SPMIP2: variants seen among roughly 807,000 people sequenced by gnomAD.
SPMIP2 encodes sperm microtubule inner protein 2, also known as protein SPMIP2.
chr4:158,994,830 TTAA>T, the SPMIP2 span, among the ~76,000 whole-genome samples: 2 of 152,168 alleles, frequency 1.3e-5, no homozygotes, highest in Non-Finnish European at 2.9e-5. Context: ...CTGCTAGAGA[TTAA>T]TTACTACAAC....
the SPMIP2 span, among the ~76,000 whole-genome samples, chr4:159,001,806 T>C: frequency 5.3e-5 from 8 of 152,214 alleles, no homozygotes; most frequent in South Asian, 2.1e-4. Flanking sequence ...GCAATGAACA[T>C]TTGTGTGCAC....
the SPMIP2 span, chr4:158,893,445 G>C: frequency 2.3e-6 from 1 of 436,230 alleles, no homozygotes; most frequent in Non-Finnish European, 4.2e-6. Context: ...GATGTTATAA[G>C]CACTCAGTAA....
the SPMIP2 span, chr4:159,035,019 C>T: frequency 6.8e-6 from 11 of 1,606,628 alleles, no homozygotes; most frequent in South Asian, 1.1e-4. Flanking sequence ...AAAGCAAACA[C>T]AAAAACTATT....
At chr4:158,981,959 A>G in the SPMIP2 span, among the ~76,000 whole-genome samples, 152,170 of 152,246 alleles carry the variant, frequency 1, 76,047 homozygotes, top group Non-Finnish European at 1. Flanking sequence ...AAGACTCATC[A>G]GTGTGCTGTA....
the SPMIP2 span, among the ~76,000 whole-genome samples, chr4:158,895,058 T>G: frequency 2.0e-4 from 31 of 152,156 alleles, no homozygotes; most frequent in Non-Finnish European, 3.4e-4. Context: ...TGCAAAAGCA[T>G]TTGCCTCTGG....
the SPMIP2 span, among the ~76,000 whole-genome samples, chr4:158,939,296 A>G: frequency 1.3e-5 from 2 of 152,226 alleles, no homozygotes; most frequent in Admixed American, 1.3e-4. Context: ...CAAATTTTAA[A>G]TATACACAAA....
At chr4:159,060,762 A>G in the SPMIP2 span, among the ~76,000 whole-genome samples, 2 of 152,166 alleles carry the variant, frequency 1.3e-5, no homozygotes, top group Non-Finnish European at 2.9e-5. Flanking sequence ...TTCTAATTTT[A>G]AATTACCATT....
chr4:159,066,589 T>TTTTATATATATA, the SPMIP2 span, among the ~76,000 whole-genome samples: 1 of 76,632 alleles, frequency 1.3e-5, no homozygotes, highest in Non-Finnish European at 2.8e-5. Flanking sequence ...TGTGTGTATT[T>TTTTATATATATA]TATATATATA....
chr4:158,964,047 C>T, the SPMIP2 span, among the ~76,000 whole-genome samples: 6 of 151,744 alleles, frequency 4.0e-5, no homozygotes, highest in African/African-American at 7.3e-5. Flanking sequence ...CCCAGCTACT[C>T]GAGAGGCTGG....
the SPMIP2 span, among the ~76,000 whole-genome samples, chr4:158,950,694 A>C: frequency 2.0e-5 from 3 of 152,176 alleles, no homozygotes; most frequent in Admixed American, 6.5e-5. Flanking sequence ...TCAGGAGCTC[A>C]AGACCAGCCT....
the SPMIP2 span, chr4:158,895,900 G>GAT: frequency 6.9e-7 from 1 of 1,454,542 alleles, no homozygotes; most frequent in Non-Finnish European, 9.6e-7. Context: ...TTGTCCCTTT[G>GAT]ATAGGTATCC....
At chr4:158,997,067 C>T in the SPMIP2 span, among the ~76,000 whole-genome samples, 3 of 152,206 alleles carry the variant, frequency 2.0e-5, no homozygotes, top group Admixed American at 6.5e-5. Flanking sequence ...AAAACACACA[C>T]ACACAAACAC....
chr4:158,917,249 C>CA, the SPMIP2 span, among the ~76,000 whole-genome samples: 1 of 149,626 alleles, frequency 6.7e-6, no homozygotes, highest in East Asian at 2.0e-4. Flanking sequence ...GACTCCATCT[C>CA]AAAAAAATAA....
the SPMIP2 span, among the ~76,000 whole-genome samples, chr4:159,042,999 C>T: frequency 1.1e-4 from 17 of 152,224 alleles, 1 homozygote; most frequent in Admixed American, 1.1e-3. Context: ...TCTACTCTGA[C>T]CCCCAGGTCT....
the SPMIP2 span, among the ~76,000 whole-genome samples, chr4:158,904,145 A>C: frequency 6.6e-6 from 1 of 152,216 alleles, no homozygotes; most frequent in Non-Finnish European, 1.5e-5. Context: ...AGTATGATAC[A>C]ATGAAGTTAT....
the SPMIP2 span, among the ~76,000 whole-genome samples, chr4:159,004,855 T>G: frequency 2.0e-5 from 3 of 152,082 alleles, no homozygotes; most frequent in Admixed American, 6.6e-5. Context: ...AGGTCAAGAG[T>G]GGTTTTGTTT....
At chr4:159,081,038 C>CTTTT in the SPMIP2 span, among the ~76,000 whole-genome samples, 1 of 118,404 alleles carries the variant, frequency 8.4e-6, no homozygotes, top group Non-Finnish European at 1.8e-5. Context: ...GTTTCTTTCT[C>CTTTT]TTTTTTTTTT....
chr4:158,952,685 A>G, the SPMIP2 span, among the ~76,000 whole-genome samples: 1 of 152,222 alleles, frequency 6.6e-6, no homozygotes, highest in Non-Finnish European at 1.5e-5. Flanking sequence ...AAAATGTGAG[A>G]AAGTTTGGAA....
chr4:158,910,736 T>A, the SPMIP2 span, among the ~76,000 whole-genome samples: 1 of 152,236 alleles, frequency 6.6e-6, no homozygotes, highest in East Asian at 1.9e-4. Context: ...GCCTGAAAAC[T>A]GCCTTCAGGC....
Sources: allele counts gnomAD v4.1 joint callset (sites outside exome capture counted in the v4.1 genomes callset), GRCh38; gene constraint gnomAD v4.1.1; transcripts MANE v1.5; gene names NCBI Gene and HGNC (gene_info 2026-07-23, HGNC 2026-07-21).